The following LRRC63 variants were observed in gnomAD, a reference collection of about 807,000 sequenced individuals.
LRRC63 encodes leucine rich repeat containing 63, also known as leucine-rich repeat-containing protein 63.
In LRRC63, 40 loss-of-function variants were observed where a neutral mutation model predicts 49.5. That is an observed-to-expected ratio of 0.81 (90% CI 0.63 to 1.05). LRRC63 has a LOEUF of 1.05. LRRC63 is among the 50% of genes least tolerant of loss of function. The pLI is 0.00. For missense variants in LRRC63, 636 were observed against 663.1 expected (o/e 0.96, Z 0.45); for synonymous variants, 191 against 221.1 (o/e 0.86, Z 1.21).
At chr13:46,225,702 A>T (rs563257534) in intron 2 of LRRC63, among the ~76,000 whole-genome samples, 1 of 152,330 alleles carries the variant, frequency 6.6e-6, no homozygotes, top group East Asian at 1.9e-4. Context: ...CTTAAGTAGG[A>T]AGCAAACATT....
At chr13:46,227,747 C>G in exon 3 of LRRC63, 1 of 1,550,492 alleles carries the variant, frequency 6.4e-7, no homozygotes, top group Non-Finnish European at 8.7e-7. Flanking sequence ...CTACTGGTTC[C>G]ATATTTTTTC....
At chr13:46,244,651 G>A (rs1566494664) in intron 5 of LRRC63, among the ~76,000 whole-genome samples, 1 of 152,146 alleles carries the variant, frequency 6.6e-6, no homozygotes, top group Non-Finnish European at 1.5e-5. Flanking sequence ...ACATGTACAT[G>A]TAGTTCTAGC....
At chr13:46,255,423 G>A (rs1167199579) in intron 7 of LRRC63, among the ~76,000 whole-genome samples, 1 of 151,882 alleles carries the variant, frequency 6.6e-6, no homozygotes, top group Admixed American at 6.6e-5. Context: ...TGGCTAAAAT[G>A]GCAGATTTTA....
intron 9 of LRRC63, among the ~76,000 whole-genome samples, chr13:46,272,817 T>TA (rs1355172155): frequency 6.6e-6 from 1 of 152,108 alleles, no homozygotes; most frequent in Non-Finnish European, 1.5e-5. Context: ...TTTTATTAAG[T>TA]AAAAAAAGCA....
At chr13:46,261,934 G>A in exon 8 of LRRC63, 1 of 1,147,212 alleles carries the variant, frequency 8.7e-7, no homozygotes, top group Non-Finnish European at 1.1e-6. Flanking sequence ...TTATCTTGAA[G>A]AACTTGATGT....
At chr13:46,270,073 C>A (rs2047735248) in intron 9 of LRRC63, 2 of 588,820 alleles carry the variant, frequency 3.4e-6, no homozygotes, top group South Asian at 1.9e-5. Context: ...CGCCTGAGGT[C>A]ACCATGGCTA....
chr13:46,240,126 CTTTTT>C (rs35181820), intron 5 of LRRC63, among the ~76,000 whole-genome samples: 3 of 120,872 alleles, frequency 2.5e-5, no homozygotes, highest in African/African-American at 3.1e-5. Context: ...CTCTCTTTTT[CTTTTT>C]TTTTTTTTTT....
At chr13:46,220,865 G>T (rs1435348176) in intron 2 of LRRC63, among the ~76,000 whole-genome samples, 1 of 152,126 alleles carries the variant, frequency 6.6e-6, no homozygotes, top group Non-Finnish European at 1.5e-5. Context: ...AGGGTTGGGA[G>T]CTCCCGGACC....
At chr13:46,262,653 C>T (rs1193810120) in intron 8 of LRRC63, among the ~76,000 whole-genome samples, 1 of 151,530 alleles carries the variant, frequency 6.6e-6, no homozygotes, top group Non-Finnish European at 1.5e-5. Context: ...ACTTTTTTTT[C>T]ATTTTTTCAG....
exon 3 of LRRC63, chr13:46,227,839 A>C (rs764668841): frequency 9.7e-6 from 15 of 1,550,072 alleles, no homozygotes; most frequent in Non-Finnish European, 1.0e-5. Flanking sequence ...AAAACTATGA[A>C]AGATGTTTAT....
intron 9 of LRRC63, among the ~76,000 whole-genome samples, chr13:46,274,631 G>C (rs2047806508): frequency 1.3e-5 from 2 of 152,034 alleles, no homozygotes; most frequent in Admixed American, 1.3e-4. Flanking sequence ...TTGAGAATGG[G>C]GTCAGAAGAC....
chr13:46,240,108 C>G (rs1159722532), intron 5 of LRRC63, among the ~76,000 whole-genome samples: 1 of 150,560 alleles, frequency 6.6e-6, no homozygotes, highest in Non-Finnish European at 1.5e-5. Flanking sequence ...AGGATACCCT[C>G]TATCTCTCTC....
chr13:46,270,684 A>G (rs2047745686), intron 9 of LRRC63: 1 of 703,398 alleles, frequency 1.4e-6, no homozygotes, highest in East Asian at 2.9e-5. Context: ...CCATCAGTGC[A>G]CGAAAGGAGA....
chr13:46,240,916 G>A (rs1040916121), intron 5 of LRRC63, among the ~76,000 whole-genome samples: 4 of 152,030 alleles, frequency 2.6e-5, no homozygotes, highest in African/African-American at 7.2e-5. Flanking sequence ...TGACGAAAGC[G>A]ATTTATAGAT....
chr13:46,257,089 A>G (rs991487423), intron 7 of LRRC63, among the ~76,000 whole-genome samples: 3 of 152,158 alleles, frequency 2.0e-5, no homozygotes, highest in African/African-American at 7.2e-5. Context: ...AGCATTTGTC[A>G]GAGAGATACC....
intron 8 of LRRC63, among the ~76,000 whole-genome samples, chr13:46,266,110 T>C (rs1174707618): frequency 6.6e-6 from 1 of 152,214 alleles, no homozygotes; most frequent in African/African-American, 2.4e-5. Context: ...GTGTCTCTCA[T>C]GAACAGACTC....
chr13:46,232,995 A>C (rs1432878280), intron 4 of LRRC63, among the ~76,000 whole-genome samples: 1 of 152,198 alleles, frequency 6.6e-6, no homozygotes, highest in Non-Finnish European at 1.5e-5. Flanking sequence ...ATTTAGTAAG[A>C]GGTTATACAC....
intron 4 of LRRC63, among the ~76,000 whole-genome samples, chr13:46,233,682 ATGTT>A (rs1273872506): frequency 1.3e-5 from 2 of 152,190 alleles, no homozygotes; most frequent in East Asian, 1.9e-4. Context: ...TACTCCTGAG[ATGTT>A]TGTTTGTTTC....
chr13:46,212,543 A>G (rs971382823), intron 1 of LRRC63, among the ~76,000 whole-genome samples: 12 of 152,182 alleles, frequency 7.9e-5, no homozygotes, highest in Non-Finnish European at 1.6e-4. Context: ...GAATGGTTAG[A>G]TATGGTGGGT....
Sources: gnomAD v4.1 joint callset for allele counts (sites outside exome capture counted in the v4.1 genomes callset) on GRCh38, gnomAD v4.1.1 for gene constraint, MANE v1.5 for transcripts, NCBI Gene and HGNC (gene_info 2026-07-23, HGNC 2026-07-21) for gene names.